GDAP1: variants seen among roughly 807,000 people sequenced by gnomAD.
The protein encoded by GDAP1 is ganglioside induced differentiation associated protein 1.
In GDAP1, 34 loss-of-function variants were observed where a neutral mutation model predicts 40.1. That is an observed-to-expected ratio of 0.85 (90% CI 0.64 to 1.13). GDAP1 has a LOEUF of 1.13. Among genes scored for constraint, GDAP1 ranks in the 50% most tolerant of loss-of-function variants. The pLI is 0.00. For missense variants in GDAP1, 374 were observed against 433.7 expected (o/e 0.86, Z 1.22); for synonymous variants, 170 against 157.4 (o/e 1.08, Z -0.60).
At chr8:74,371,801 T>C (rs189306771), downstream of GDAP1, among the ~76,000 whole-genome samples, 27 of 152,200 alleles carry the variant, frequency 1.8e-4, no homozygotes, top group East Asian at 4.6e-3. Context: ...TACTGTAAGT[T>C]CTAGGGTACA....
At position 74,364,288 on chromosome 8, in the gene GDAP1, G is replaced by A. The variant is rs747927220; in HGVS notation, c.998G>A (p.Gly333Glu). 2 of 1,614,062 alleles carry A rather than the reference G, an allele frequency of 1.2e-6. No individual in the cohort carries two copies. The highest frequency in any genetic ancestry group is 2.2e-5 in the South Asian group (2 of 91,066). Residue 333 changes from glycine (G) to glutamate (E), a missense_variant, in exon 6 of 6, where the codon GGA (glycine) becomes GAA (glutamate). By Grantham distance (98) the Gly-to-Glu change is moderately conservative. Coordinates refer to ENST00000220822, the MANE Select transcript of GDAP1 (RefSeq NM_018972.4). The stretch of plus-strand genomic sequence containing the variant: ...GTGGTTGGTTTGCTTGCAGGAGTGG[G>A]ATATTTTGCTTTTATGCTTTTCAGA... ...TLVVGLLAGV[G>E]YFAFMLFRKR...
At chr8:74,362,909 G>A (rs866655204) in intron 4 of GDAP1, 30 bp from the exon 5 acceptor site, 4 of 896,738 alleles carry the variant, frequency 4.5e-6, no homozygotes, top group East Asian at 2.7e-5. Flanking sequence ...CAAATAATAT[G>A]TTTGGTTTCT....
chr8:74,357,663 GTTC>G (rs1187223199), intron 2 of GDAP1, among the ~76,000 whole-genome samples: 1 of 152,100 alleles, frequency 6.6e-6, no homozygotes, highest in Non-Finnish European at 1.5e-5. Context: ...CAACTTATTT[GTTC>G]TTCTAGCTTA....
At chr8:74,403,649 G>T (rs548601490) in intron 2 of GDAP1, among the ~76,000 whole-genome samples, 13 of 150,378 alleles carry the variant, frequency 8.6e-5, no homozygotes, top group Admixed American at 8.5e-4. Flanking sequence ...CAGCATTTGG[G>T]TAAGACATTT....
chr8:74,450,063 T>C (rs1473447548), intron 2 of GDAP1, among the ~76,000 whole-genome samples: 6 of 147,250 alleles, frequency 4.1e-5, no homozygotes, highest in African/African-American at 1.5e-4. Flanking sequence ...GTTTTATCAT[T>C]ATTCAGTTTG....
At chr8:74,371,461 C>G (rs56089345), downstream of GDAP1, among the ~76,000 whole-genome samples, 40,752 of 151,712 alleles carry the variant, frequency 0.27, 6,073 homozygotes, top group Non-Finnish European at 0.34. Flanking sequence ...GAGATCGAGA[C>G]CATTCTGGCT....
intron 2 of GDAP1, among the ~76,000 whole-genome samples, chr8:74,407,841 C>G (rs1805660878): frequency 6.7e-6 from 1 of 149,842 alleles, no homozygotes; most frequent in African/African-American, 2.6e-5. Flanking sequence ...AACTTCTGCC[C>G]CTACTCTCTG....
intron 2 of GDAP1, among the ~76,000 whole-genome samples, chr8:74,478,594 G>T (rs1002998324): frequency 6.6e-6 from 1 of 152,158 alleles, no homozygotes; most frequent in Non-Finnish European, 1.5e-5. Flanking sequence ...CTTGCAGGTA[G>T]TACCATCCTG....
At chr8:74,401,592 G>T (rs1452164182) in intron 2 of GDAP1, among the ~76,000 whole-genome samples, 1 of 145,666 alleles carries the variant, frequency 6.9e-6, no homozygotes, top group Non-Finnish European at 1.5e-5. Flanking sequence ...TCCATTGCTG[G>T]TGAGGAAATG....
At chr8:74,485,646 G>C (rs1331494391) in intron 2 of GDAP1, among the ~76,000 whole-genome samples, 2 of 152,028 alleles carry the variant, frequency 1.3e-5, no homozygotes, top group Non-Finnish European at 2.9e-5. Context: ...TAAATGGGAA[G>C]AACCTGAAGG....
chr8:74,416,183 A>G (rs1805775775), intron 2 of GDAP1, among the ~76,000 whole-genome samples: 1 of 149,894 alleles, frequency 6.7e-6, no homozygotes, highest in South Asian at 2.1e-4. Context: ...ATTGTGCCAT[A>G]TGTGGGAAGC....
At chr8:74,478,171 A>G (rs941102997) in intron 2 of GDAP1, among the ~76,000 whole-genome samples, 2 of 152,084 alleles carry the variant, frequency 1.3e-5, no homozygotes, top group Non-Finnish European at 2.9e-5. Flanking sequence ...CTGCCTGCCA[A>G]CAGACAACAA....
rs4737414 is a variant in GDAP1, at chr8:74,365,197, C to G, written c.*830C>G. The G allele has an allele frequency of 0.21, 93,314 of 453,934 alleles. 10,841 individuals are homozygous for G. The highest frequency in any genetic ancestry group is 0.37 in the Admixed American group (15,569 of 42,552). 28.1% of individuals were successfully genotyped at this position (453,934 alleles called of 1,614,324 possible). A position where few individuals can be genotyped will look rare whatever the true frequency, so the allele number is the denominator to read the frequency against. ...GCTGGGTAGTGGGTATTTTGATGATCTGGGAGCACCAAATATGTTCATTCT... is the reference window on the plus strand; with the variant it reads ...GCTGGGTAGTGGGTATTTTGATGATGTGGGAGCACCAAATATGTTCATTCT... On this transcript the variant is annotated 3_prime_UTR_variant, in exon 6 of 6. Transcript: ENST00000220822.
chr8:74,361,529 T>C (rs1404312121), intron 3 of GDAP1, among the ~76,000 whole-genome samples: 21 of 152,136 alleles, frequency 1.4e-4, no homozygotes, highest in Admixed American at 1.3e-3. Flanking sequence ...CCCGAGTAGC[T>C]GGGATGACAG....
rs1805703941 is a variant in GDAP1, at chr8:74,411,164, C to T, written c.165+59843C>T. Reference sequence around the variant, plus strand: ...TATGTTTGTAAGTTTCCTGAGGCCTCCCCAGCCATGCCGAACTGTGAGTCA... The same window carrying T: ...TATGTTTGTAAGTTTCCTGAGGCCTTCCCAGCCATGCCGAACTGTGAGTCA... On this transcript the variant is annotated intron_variant, in intron 2 of 2. Transcript: ENST00000523640. Among the ~76,000 whole-genome samples the T allele has an allele frequency of 2.7e-5, 4 of 150,204 alleles. No individual in the cohort carries two copies. In the South Asian group the frequency reaches 8.3e-4, roughly 31 times the overall value.
intron 2 of GDAP1, among the ~76,000 whole-genome samples, chr8:74,354,663 AATAG>A (rs1809021063): frequency 1.3e-5 from 2 of 152,370 alleles, no homozygotes; most frequent in East Asian, 3.9e-4. Context: ...GAACCTGGTT[AATAG>A]ATAGTAAGTT....
chr8:74,369,498 T>C (rs1809712217), downstream of GDAP1, among the ~76,000 whole-genome samples: 2 of 152,074 alleles, frequency 1.3e-5, no homozygotes, highest in African/African-American at 4.8e-5. Context: ...TCACAGCAGA[T>C]GGAAGATGGC....
chr8:74,357,814 T>C (rs1010813296), intron 2 of GDAP1, among the ~76,000 whole-genome samples: 1 of 152,148 alleles, frequency 6.6e-6, no homozygotes, highest in Non-Finnish European at 1.5e-5. Context: ...CTGATTGAGG[T>C]ACATTACTGA....
At chr8:74,470,854 G>A (rs1244560003) in intron 2 of GDAP1, among the ~76,000 whole-genome samples, 1 of 152,280 alleles carries the variant, frequency 6.6e-6, no homozygotes, top group Non-Finnish European at 1.5e-5. Context: ...GGTTGAACTA[G>A]TTTACAGTCC....
Sources: gnomAD v4.1 joint callset for allele counts (sites outside exome capture counted in the v4.1 genomes callset) on GRCh38, gnomAD v4.1.1 for gene constraint, MANE v1.5 for transcripts, NCBI Gene and HGNC (gene_info 2026-07-23, HGNC 2026-07-21) for gene names.